BCL2L13: variants seen among roughly 807,000 people sequenced by gnomAD.
BCL2L13 encodes the protein BCL2 like 13.
In BCL2L13, 13 loss-of-function variants were observed where a neutral mutation model predicts 25.8. That is an observed-to-expected ratio of 0.50 (90% confidence interval 0.33 to 0.80). BCL2L13 has a LOEUF of 0.80. Ranked by LOEUF, BCL2L13 falls within the 30% of genes least tolerant of loss-of-function variation. The pLI is 0.02. For missense variants in BCL2L13, 504 were observed against 574.9 expected, an observed-to-expected ratio of 0.88 and a Z score of 1.26; for synonymous variants, 244 against 230.3, an observed-to-expected ratio of 1.06 and a Z score of -0.54.
intron 1 of BCL2L13, among the ~76,000 whole-genome samples, chr22:17,655,300 CTTTT>C (rs71201856): frequency 1.4e-5 from 2 of 138,850 alleles, no homozygotes; most frequent in Middle Eastern, 3.5e-3. Flanking sequence ...TTACAGTTCA[CTTTT>C]TTTTTTTTTT....
intron 2 of BCL2L13, among the ~76,000 whole-genome samples, chr22:17,674,270 G>A (rs1050313306): frequency 1.3e-5 from 2 of 152,128 alleles, no homozygotes; most frequent in Non-Finnish European, 1.5e-5. Flanking sequence ...AGTTTATGTT[G>A]AGCAAAAATG....
At chr22:17,686,151 T>C (rs1031282347) in intron 3 of BCL2L13, among the ~76,000 whole-genome samples, 1 of 151,932 alleles carries the variant, frequency 6.6e-6, no homozygotes, top group African/African-American at 2.4e-5. Flanking sequence ...AAAACACAGA[T>C]AGAAATGTAC....
intron 1 of BCL2L13, among the ~76,000 whole-genome samples, chr22:17,652,394 T>C (rs1032202878): frequency 1.3e-5 from 2 of 152,104 alleles, no homozygotes; most frequent in African/African-American, 4.8e-5. Flanking sequence ...TTGTGTAAAA[T>C]CATGAAATAT....
chr22:17,727,676 T>TG lies in BCL2L13; in HGVS notation c.*142_*143insG. On this transcript the variant is annotated 3_prime_UTR_variant, in exon 7 of 7. Coordinates refer to ENST00000317582, the MANE Select transcript of BCL2L13 (RefSeq NM_015367.4). ...TCTGCTCAACATGGCAGTGGCATGT[T>TG]AGGCATGTTAGGGCTTGAGGTGGGG... is the stretch of plus-strand genomic sequence containing the variant. 8 of 1,124,974 alleles carry TG rather than the reference T, an allele frequency of 7.1e-6. No individual in the cohort carries two copies. Among genetic ancestry groups the TG allele is most frequent in the Non-Finnish European group, 1.0e-5 (8 of 801,192 alleles). The allele number at this position is 1,124,974 out of a possible 1,614,324, so 69.7% of individuals were successfully genotyped here. A position where few individuals can be genotyped will look rare whatever the true frequency, so the allele number is the denominator to read the frequency against.
At chr22:17,660,467 T>C (rs1254636522) in intron 2 of BCL2L13, among the ~76,000 whole-genome samples, 3 of 146,520 alleles carry the variant, frequency 2.0e-5, no homozygotes, top group Non-Finnish European at 4.7e-5. Context: ...CTGCCCAGGC[T>C]GGAGTGTAGT....
Position 17,702,314 on chromosome 22 carries a change from C to T in BCL2L13, c.528C>T (p.Ser176=), listed in dbSNP as rs147449900. The T allele has an allele frequency of 5.6e-5, 91 of 1,612,264 alleles. No individual in the cohort carries two copies. Among genetic ancestry groups the T allele is most frequent in the Admixed American group, 1.7e-4 (10 of 59,752 alleles). The part of the protein sequence containing the change: ...ELTRRGQEPL[S]ALLQFGVTYL... Reference sequence around the variant, plus strand: ...CAAGACGTGGTCAAGAACCTTTGAGCGCACTGCTGCAGTTTGGCGTGACAT... The same window carrying T: ...CAAGACGTGGTCAAGAACCTTTGAGTGCACTGCTGCAGTTTGGCGTGACAT... Residue 176 remains serine (S), a synonymous_variant, in exon 6 of 7, where the codon AGC becomes AGT. Transcript: ENST00000317582.
chr22:17,654,905 G>A (rs959707600), intron 1 of BCL2L13, among the ~76,000 whole-genome samples: 4 of 151,792 alleles, frequency 2.6e-5, no homozygotes, highest in African/African-American at 7.3e-5. Flanking sequence ...AAATTTTTTT[G>A]TAGAGATGGA....
At chr22:17,652,701 A>G (rs2058725954) in intron 1 of BCL2L13, among the ~76,000 whole-genome samples, 1 of 152,198 alleles carries the variant, frequency 6.6e-6, no homozygotes, top group Non-Finnish European at 1.5e-5. Flanking sequence ...AGCCTCCAAA[A>G]GTGTGGAGTT....
chr22:17,711,377 A>G (rs780316389), intron 6 of BCL2L13, among the ~76,000 whole-genome samples: 8 of 145,302 alleles, frequency 5.5e-5, no homozygotes, highest in Non-Finnish European at 1.0e-4. Context: ...GGCTCACTGC[A>G]TCCTTTACCT....
At position 17,631,688 on chromosome 22, in the gene BCL2L13, A is replaced by G. The variant is rs1248950024; in HGVS notation, c.-650+2683A>G. Among the ~76,000 whole-genome samples, 70 of 48,130 alleles carry G rather than the reference A, an allele frequency of 1.5e-3. 1 individual carries two copies. The highest frequency in any genetic ancestry group is 0.011 in the Admixed American group (32 of 2,794). 31.6% of individuals were successfully genotyped at this position (48,130 alleles called of 152,430 possible). A position where few individuals can be genotyped will look rare whatever the true frequency, so the allele number is the denominator to read the frequency against. Reference sequence around the variant, plus strand: ...TGTGTGTGTATATATATATATATATATATATATATATATATATATTTTTTT... The same window carrying G: ...TGTGTGTGTATATATATATATATATGTATATATATATATATATATTTTTTT... On this transcript the variant is annotated intron_variant, in intron 1 of 6. Transcript: ENST00000399782.
In BCL2L13 at chr22:17,726,847, A is replaced by G. The variant is rs4488761; in HGVS notation, c.771A>G (p.Ser257=). The G allele has an allele frequency of 0.55, 895,633 of 1,613,882 alleles. 254,484 individuals are homozygous for G. The highest frequency in any genetic ancestry group is 0.95 in the East Asian group (42,452 of 44,876). ...CTGAGAGCTTACCTGTGTCACTGTC[A>G]GCTAGCCAGAGTTGGCACACAGAAA... ...WQSESLPVSL[S]ASQSWHTESL... is the part of the protein sequence containing the mutation. Residue 257 remains serine, a synonymous_variant, in exon 7 of 7, where the codon TCA becomes TCG. Transcript: ENST00000317582.
chr22:17,665,568 C>T (rs2146580051), intron 2 of BCL2L13, among the ~76,000 whole-genome samples: 1 of 152,294 alleles, frequency 6.6e-6, no homozygotes, highest in South Asian at 2.1e-4. Flanking sequence ...TTTGTTTCCA[C>T]CTGGCCCCGC....
intron 2 of BCL2L13, among the ~76,000 whole-genome samples, chr22:17,660,409 A>G (rs2059026137): frequency 6.9e-6 from 1 of 145,632 alleles, no homozygotes; most frequent in African/African-American, 2.4e-5. Context: ...GTTTATTTCT[A>G]CACTTACTGA....
At chr22:17,692,264 A>G (rs5992093) in intron 4 of BCL2L13, 17,648 of 152,144 alleles carry the variant, frequency 0.12, 1,235 homozygotes, top group African/African-American at 0.18. Flanking sequence ...TTACTTTTCT[A>G]TGTATTTGAT....
At chr22:17,693,436 G>A (rs942302365) in intron 4 of BCL2L13, among the ~76,000 whole-genome samples, 45 of 143,866 alleles carry the variant, frequency 3.1e-4, no homozygotes, top group Admixed American at 5.7e-4. Flanking sequence ...CTGGAGTGCA[G>A]TGGTGCAATC....
chr22:17,666,273 A>G (rs1386041696), intron 2 of BCL2L13, among the ~76,000 whole-genome samples: 1 of 152,030 alleles, frequency 6.6e-6, no homozygotes, highest in Non-Finnish European at 1.5e-5. Context: ...GGTACATAAG[A>G]TGTTTTAATA....
intron 6 of BCL2L13, among the ~76,000 whole-genome samples, chr22:17,709,357 G>A (rs1371298776): frequency 6.6e-6 from 1 of 152,212 alleles, no homozygotes; most frequent in Non-Finnish European, 1.5e-5. Flanking sequence ...CACTTTGGGA[G>A]GCCAAGGTGG....
Position 17,727,863 on chromosome 22 carries a change from C to A in BCL2L13, c.*329C>A. On this transcript the variant is annotated 3_prime_UTR_variant, in exon 7 of 7. Transcript: ENST00000317582. ...GGGCTGTCCTGTGTGTGGTGGGCTCCACCCACTAGATGCCAGTGGCACCCC... is the reference window on the plus strand; with the variant it reads ...GGGCTGTCCTGTGTGTGGTGGGCTCAACCCACTAGATGCCAGTGGCACCCC... 1 of 317,748 alleles carries A rather than the reference C, an allele frequency of 3.1e-6. No individual in the cohort carries two copies. The highest frequency in any genetic ancestry group is 5.9e-6 in the Non-Finnish European group (1 of 169,422). The allele number at this position is 317,748 out of a possible 1,614,324, so 19.7% of individuals were successfully genotyped here. A position where few individuals can be genotyped will look rare whatever the true frequency, so the allele number is the denominator to read the frequency against.
chr22:17,718,860 T>A (rs2061019605), intron 6 of BCL2L13, among the ~76,000 whole-genome samples: 1 of 152,116 alleles, frequency 6.6e-6, no homozygotes, highest in South Asian at 2.1e-4. Flanking sequence ...GCAGTCTTAT[T>A]TAAGAATTAA....
Sources: gnomAD v4.1 joint callset for allele counts (sites outside exome capture counted in the v4.1 genomes callset) on GRCh38, gnomAD v4.1.1 for gene constraint, MANE v1.5 for transcripts, NCBI Gene and HGNC (gene_info 2026-07-23, HGNC 2026-07-21) for gene names.